ETS1: variants seen among roughly 807,000 people sequenced by gnomAD.
The protein encoded by ETS1 is protein C-ets-1.
ETS1 carries 15 observed loss-of-function variants against 58.6 expected under a neutral mutation model. The ratio of observed to expected loss-of-function variants is 0.26; its 90% CI spans 0.17 to 0.39. The LOEUF (loss-of-function observed/expected upper bound fraction) is 0.39. Among genes scored for constraint, ETS1 ranks in the 10% least tolerant of loss-of-function variants. ETS1 has a pLI of 1.00. For synonymous variants in ETS1, 214 were observed against 218.2 expected, an observed-to-expected ratio of 0.98 and a Z score of 0.17; for missense variants, 417 against 610.5, an observed-to-expected ratio of 0.68 and a Z score of 3.34.
intron 1 of ETS1, among the ~76,000 whole-genome samples, chr11:128,576,717 G>T (rs1404891527): frequency 4.0e-5 from 6 of 148,404 alleles, no homozygotes; most frequent in African/African-American, 1.5e-4. Context: ...GCCCCCTCTC[G>T]CCGTGACCCC....
intron 3 of ETS1, among the ~76,000 whole-genome samples, chr11:128,495,820 G>A (rs1862924204): frequency 6.6e-6 from 1 of 152,188 alleles, no homozygotes; most frequent in African/African-American, 2.4e-5. Flanking sequence ...CACTGGATAA[G>A]TCACTTACTC....
At chr11:128,482,533 AG>A (rs1862513967) in intron 7 of ETS1, among the ~76,000 whole-genome samples, 1 of 152,178 alleles carries the variant, frequency 6.6e-6, no homozygotes. Flanking sequence ...CCACTAAGCA[AG>A]GGGACTAAAC....
At chr11:128,522,490 C>A in intron 3 of ETS1, 1 of 363,682 alleles carries the variant, frequency 2.7e-6, no homozygotes, top group Non-Finnish European at 3.8e-6. Context: ...CCGAGCACCG[C>A]GGCCAATCTC....
intron 3 of ETS1, among the ~76,000 whole-genome samples, chr11:128,551,631 G>GTTGT (rs1864231345): frequency 6.6e-6 from 1 of 152,142 alleles, no homozygotes; most frequent in Non-Finnish European, 1.5e-5. Flanking sequence ...TTGCATAGAA[G>GTTGT]TTGTTTTAAA....
At chr11:128,568,195 G>A (rs1439970216) in intron 2 of ETS1, among the ~76,000 whole-genome samples, 1 of 152,050 alleles carries the variant, frequency 6.6e-6, no homozygotes, top group East Asian at 1.9e-4. Context: ...CCTAAAGCCC[G>A]CATGGCCAAA....
chr11:128,498,937 T>C, intron 3 of ETS1, among the ~76,000 whole-genome samples: 1 of 152,368 alleles, frequency 6.6e-6, no homozygotes, highest in South Asian at 2.1e-4. Flanking sequence ...CCCAGAACAG[T>C]GTGACTTCTT....
rs371091395 is a variant in ETS1 at position 128,486,027 on chromosome 11, T to C, written c.613+42A>G. 3.0e-5 allele frequency: 37 copies of C among 1,241,848 alleles called. No individual in the cohort carries two copies. The African/African-American group carries it at 4.6e-4, about 15-fold the overall frequency. The allele number at this position is 1,241,848 out of a possible 1,614,324, so 76.9% of individuals were successfully genotyped here. ...CACTGAGATAGGGGTCTTTTCCTAG[T>C]TTGCTATTATCATGAGAGAAGAGGG... On this transcript the variant is annotated intron_variant, in intron 6 of 9. Coordinates refer to ENST00000392668, the MANE Select transcript of ETS1 (RefSeq NM_001143820.2).
intron 2 of ETS1, 35 bp from the exon 3 acceptor site, chr11:128,556,470 A>G: frequency 6.8e-7 from 1 of 1,478,864 alleles, no homozygotes; most frequent in Non-Finnish European, 9.1e-7. Context: ...ATATATTAGG[A>G]GGAAAATCTC....
chr11:128,528,705 CA>C (rs1863845710), intron 3 of ETS1, among the ~76,000 whole-genome samples: 2 of 152,024 alleles, frequency 1.3e-5, no homozygotes, highest in Non-Finnish European at 2.9e-5. Flanking sequence ...GCTCAGATAC[CA>C]GTTTTGTTTT....
At position 128,464,395 on chromosome 11, in the gene ETS1, C is replaced by T. The variant is rs1352136844; in HGVS notation, c.1124-768G>A. On this transcript the variant is annotated intron_variant, in intron 8 of 9. Coordinates refer to ENST00000392668, the MANE Select transcript of ETS1 (RefSeq NM_001143820.2). The surrounding 1 kb of genome is among the most constrained non-coding windows in gnomAD (Gnocchi z 4.1). ...ACACACACACACACACACACACACA[C>T]ACTTCTCTGTCTTAGCCATCAACAC... 6.9e-6 allele frequency among the ~76,000 whole-genome samples: 1 copy of T among 145,708 alleles called. No individual in the cohort carries two copies. Among genetic ancestry groups the T allele is most frequent in the Admixed American group, 6.8e-5 (1 of 14,750 alleles).
chr11:128,483,371 T>C (rs927960058), intron 7 of ETS1, among the ~76,000 whole-genome samples: 12 of 152,278 alleles, frequency 7.9e-5, no homozygotes, highest in Non-Finnish European at 1.5e-4. Flanking sequence ...AGTTACAACA[T>C]GGCTGAGCCC....
At chr11:128,479,970 T>C (rs1182676300) in intron 8 of ETS1, among the ~76,000 whole-genome samples, 3 of 151,650 alleles carry the variant, frequency 2.0e-5, no homozygotes, top group African/African-American at 7.3e-5. Flanking sequence ...TTGGAAATGA[T>C]CCCTTTGAAG....
At chr11:128,529,464 G>A (rs117361200) in intron 3 of ETS1, among the ~76,000 whole-genome samples, 2,024 of 152,228 alleles carry the variant, frequency 0.013, 17 homozygotes, top group Non-Finnish European at 0.02. Flanking sequence ...CACTTTTGTC[G>A]AAGTAGAGTA....
chr11:128,466,721 T>A (rs199820730), intron 8 of ETS1, among the ~76,000 whole-genome samples: 1 of 147,304 alleles, frequency 6.8e-6, no homozygotes. Flanking sequence ...GAAAAAAAAA[T>A]TAAATTCAGG....
At chr11:128,537,606 A>G (rs578037882) in intron 3 of ETS1, among the ~76,000 whole-genome samples, 5 of 152,330 alleles carry the variant, frequency 3.3e-5, no homozygotes, top group African/African-American at 9.6e-5. Flanking sequence ...AAACATTCAA[A>G]GTCGGGTGCA....
At chr11:128,541,107 A>G (rs1262615506) in intron 3 of ETS1, among the ~76,000 whole-genome samples, 4 of 152,140 alleles carry the variant, frequency 2.6e-5, no homozygotes, top group Admixed American at 2.0e-4. Flanking sequence ...CCATAATTCT[A>G]GTCTCAACAG....
At chr11:128,481,750 G>A (rs1862492033) in intron 7 of ETS1, among the ~76,000 whole-genome samples, 1 of 152,242 alleles carries the variant, frequency 6.6e-6, no homozygotes, top group Middle Eastern at 3.4e-3. Context: ...AGCGGAGATT[G>A]GTTAAAACAA....
chr11:128,505,382 A>G (rs1054217814), intron 3 of ETS1: 1 of 152,284 alleles, frequency 6.6e-6, no homozygotes. Context: ...AAGTAACACA[A>G]GCAGCTCTAG....
chr11:128,511,414 T>C (rs575064462), intron 3 of ETS1, among the ~76,000 whole-genome samples: 1 of 152,380 alleles, frequency 6.6e-6, no homozygotes, highest in South Asian at 2.1e-4. Flanking sequence ...CACTTTTTTT[T>C]CCTTGAGAAG....
Sources: allele counts gnomAD v4.1 joint callset (sites outside exome capture counted in the v4.1 genomes callset), GRCh38; gene constraint gnomAD v4.1.1; non-coding constraint Gnocchi (gnomAD v3.1); transcripts MANE v1.5; gene names NCBI Gene and HGNC (gene_info 2026-07-23, HGNC 2026-07-21).